FMNL1: variants seen among roughly 807,000 people sequenced by gnomAD.
FMNL1 encodes the protein formin like 1, also known as formin-like protein 1.
Under a neutral mutation model 121.3 loss-of-function variants are expected in FMNL1, and 43 were observed. The observed-to-expected ratio is 0.35, with a 90% CI of 0.28 to 0.46. The LOEUF (loss-of-function observed/expected upper bound fraction) is 0.46, where lower values mean the gene tolerates loss of function less well. Ranked by LOEUF, FMNL1 falls within the 20% of genes least tolerant of loss-of-function variation. FMNL1 has a pLI of 1.00. For synonymous variants in FMNL1, 613 were observed against 613.5 expected (o/e 1.00, Z 0.01); for missense variants, 1,191 against 1,482.4 (o/e 0.80, Z 3.23).
At chr17:45,230,819 T>G in intron 2 of FMNL1, 132 bp downstream of exon 2, 1 of 894,224 alleles carries the variant, frequency 1.1e-6, no homozygotes, top group Non-Finnish European at 1.7e-6. Flanking sequence ...GTGGCCAATG[T>G]AGCACCTGGG....
chr17:45,224,709 T>C (rs2043298259), intron 1 of FMNL1, among the ~76,000 whole-genome samples: 1 of 152,100 alleles, frequency 6.6e-6, no homozygotes, highest in Non-Finnish European at 1.5e-5. Flanking sequence ...GGGTGGGTGG[T>C]GGGGGGCTAC....
In FMNL1 at chr17:45,245,737, T is replaced by C. The variant is rs766518534; in HGVS notation, c.2994+4T>C. ...CCGCTTCATTAAGGCCTACAAGGTA[T>C]TCGGGTCTGGGGCAGGCTGGGAGCC... is the stretch of plus-strand genomic sequence containing the variant. On this transcript the variant is annotated splice_donor_region_variant and intron_variant, in intron 23 of 26. Coordinates refer to ENST00000331495, the MANE Select transcript of FMNL1 (RefSeq NM_005892.4). 22 of 1,614,046 alleles carry C rather than the reference T, an allele frequency of 1.4e-5. No individual in the cohort carries two copies. The highest frequency in any genetic ancestry group is 1.9e-5 in the Non-Finnish European group (22 of 1,179,948).
chr17:45,243,895 G>C lies in FMNL1; in HGVS notation c.2318G>C (p.Arg773Pro). The change falls in exon 18 of 27, where the codon CGG (arginine) becomes CCG (proline). Residue 773 changes from arginine (R) to proline (P), a missense_variant. Around this residue, in one of 4 missense-constraint regions of FMNL1, gnomAD observed 367 missense variants for 528.6 expected, o/e 0.69. Transcript: ENST00000331495. ...SLITRFEREQ[R>P]PMEELSEEDR... ...ATCACCCGCTTTGAGCGGGAGCAGC[G>C]GCCAATGGAGGAGCTGTCAGAGGAG... is the stretch of plus-strand genomic sequence containing the variant. The C allele has an allele frequency of 6.2e-7, 1 of 1,613,902 alleles. No homozygotes were observed. Among genetic ancestry groups the C allele is most frequent in the Non-Finnish European group, 8.5e-7 (1 of 1,180,044 alleles).
At chr17:45,235,883 A>G (rs561707434) in intron 6 of FMNL1, among the ~76,000 whole-genome samples, 2 of 152,250 alleles carry the variant, frequency 1.3e-5, no homozygotes, top group South Asian at 4.1e-4. Flanking sequence ...TCTTCCTTCT[A>G]TAGACCCTCA....
chr17:45,232,575 G>T, intron 3 of FMNL1, 95 bp downstream of exon 3: 1 of 1,082,708 alleles, frequency 9.2e-7, no homozygotes, highest in Non-Finnish European at 1.4e-6. Context: ...TTCTATGTGC[G>T]TGTGTGGGTG....
Position 45,246,941 on chromosome 17 carries a change from C to G in FMNL1, c.*83C>G, listed in dbSNP as rs770145418. ...CCGTCGGCGTCCCCCGGGCCCCCCA[C>G]TGCAGGTCACCTCCGACCTCTCGCT... On this transcript the variant is annotated 3_prime_UTR_variant, in exon 27 of 27. Transcript: ENST00000331495. The G allele has an allele frequency of 1.3e-6, 1 of 756,806 alleles. No individual in the cohort carries two copies. The highest frequency in any genetic ancestry group is 2.4e-6 in the Non-Finnish European group (1 of 414,696). 46.9% of individuals were successfully genotyped at this position (756,806 alleles called of 1,614,324 possible). A position where few individuals can be genotyped will look rare whatever the true frequency, so the allele number is the denominator to read the frequency against.
intron 22 of FMNL1, 30 bp from the exon 23 acceptor site, chr17:45,245,602 A>G (rs1224089707): frequency 1.1e-5 from 18 of 1,612,862 alleles, no homozygotes; most frequent in Non-Finnish European, 1.4e-5. Flanking sequence ...GAGAGGTCTA[A>G]GCTGGGGGGC....
intron 12 of FMNL1, 159 bp from the exon 13 acceptor site, chr17:45,240,970 T>G: frequency 2.3e-6 from 2 of 852,424 alleles, no homozygotes; most frequent in Non-Finnish European, 3.7e-6. Context: ...CTTATTTGCT[T>G]GGGTTCGAGT....
chr17:45,232,907 G>A (rs554135206), intron 3 of FMNL1: 1 of 556,668 alleles, frequency 1.8e-6, no homozygotes, highest in Admixed American at 2.2e-5. Flanking sequence ...TAGAGTGCAG[G>A]TATATGGATG....
In FMNL1 at chr17:45,233,950, A is replaced by G. The variant is rs1047660006; in HGVS notation, c.486-122A>G. 37 of 1,437,918 alleles carry G rather than the reference A, an allele frequency of 2.6e-5. No individual in the cohort carries two copies. The highest frequency in any genetic ancestry group is 3.5e-5 in the Non-Finnish European group (37 of 1,072,184). 89.1% of individuals were successfully genotyped at this position (1,437,918 alleles called of 1,614,324 possible). On this transcript the variant is annotated intron_variant, in intron 5 of 26. Transcript: ENST00000331495. The surrounding 1 kb of genome is among the most constrained non-coding windows in gnomAD (Gnocchi z 4.1). ...CTATGTTCAGCACAGTGCCAAGAAC[A>G]CAGCCTCCTCCTCCTGCTCCTTAGT... is the stretch of plus-strand genomic sequence containing the variant.
intron 9 of FMNL1, chr17:45,238,307 G>A (rs2043596405): frequency 2.3e-6 from 1 of 426,294 alleles, no homozygotes; most frequent in Non-Finnish European, 4.3e-6. Flanking sequence ...GTGTGGGAGT[G>A]AGGGCACTCC....
At chr17:45,229,824 C>T (rs1368748201) in intron 1 of FMNL1, among the ~76,000 whole-genome samples, 2 of 152,098 alleles carry the variant, frequency 1.3e-5, no homozygotes, top group Non-Finnish European at 2.9e-5. Flanking sequence ...TTTCTCAGCT[C>T]CTGGGGGAGT....
chr17:45,230,751 C>G, intron 2 of FMNL1, 64 bp downstream of exon 2: 3 of 1,536,406 alleles, frequency 2.0e-6, no homozygotes, highest in East Asian at 2.3e-5. Flanking sequence ...CCTGACCAGG[C>G]TGGGGCTATG....
chr17:45,246,096 G>C (rs1247227273), intron 24 of FMNL1, 114 bp from the exon 25 acceptor site: 1 of 1,529,794 alleles, frequency 6.5e-7, no homozygotes, highest in Admixed American at 2.1e-5. Flanking sequence ...CCTGGGATGG[G>C]AAAGGGTTCT....
Position 45,233,916 on chromosome 17 carries a change from C to G in FMNL1, c.486-156C>G. 4 of 1,328,854 alleles carry G rather than the reference C, an allele frequency of 3.0e-6. No homozygotes were observed. The highest frequency in any genetic ancestry group is 2.5e-5 in the East Asian group (1 of 39,688). 82.3% of individuals were successfully genotyped at this position (1,328,854 alleles called of 1,614,324 possible). On this transcript the variant is annotated intron_variant, in intron 5 of 26. Coordinates refer to ENST00000331495, the MANE Select transcript of FMNL1 (RefSeq NM_005892.4). This position sits in a 1 kb window ranked among gnomAD's most constrained non-coding sequence, Gnocchi z 4.1. ...CCCCCGACAGGGAGGGGTGGCCTCT[C>G]TTCCACCACTATGTTCAGCACAGTG... is the stretch of plus-strand genomic sequence containing the variant.
At chr17:45,234,048 AG>A in intron 5 of FMNL1, 23 bp from the exon 6 acceptor site, 1 of 1,612,410 alleles carries the variant, frequency 6.2e-7, no homozygotes, top group African/African-American at 1.3e-5. Flanking sequence ...GTTGGCCTCC[AG>A]CCCCATTGCA....
In FMNL1 at chr17:45,237,247, T is replaced by C; in HGVS notation, c.724-34T>C. 6.2e-7 allele frequency: 1 copy of C among 1,610,954 alleles called. No individual in the cohort carries two copies. The highest frequency in any genetic ancestry group is 8.5e-7 in the Non-Finnish European group (1 of 1,177,130). On this transcript the variant is annotated intron_variant, in intron 7 of 26. Transcript: ENST00000331495. The surrounding 1 kb of genome is among the most constrained non-coding windows in gnomAD (Gnocchi z 4.4). ...GGGTGCCTGAAGTCCTGGGGGGCCC[T>C]TCCTGGAGACACTGACCTCTCCTCT... is the stretch of plus-strand genomic sequence containing the variant.
Position 45,246,933 on chromosome 17 carries a change from GC to G in FMNL1, c.*81del. 5.3e-6 allele frequency: 4 copies of G among 757,660 alleles called. No individual in the cohort carries two copies. The highest frequency in any genetic ancestry group is 1.4e-5 in the South Asian group (1 of 72,976). 46.9% of individuals were successfully genotyped at this position (757,660 alleles called of 1,614,324 possible). ...CGCAGTGCCCGTCGGCGTCCCCCGGGCCCCCCACTGCAGGTCACCTCCGACC... is the reference window on the plus strand; with the variant it reads ...CGCAGTGCCCGTCGGCGTCCCCCGGGCCCCCACTGCAGGTCACCTCCGACC... On this transcript the variant is annotated 3_prime_UTR_variant, in exon 27 of 27. Transcript: ENST00000331495.
chr17:45,242,188 A>G (rs893429643), intron 15 of FMNL1, 42 bp downstream of exon 15: 1 of 1,528,090 alleles, frequency 6.5e-7, no homozygotes, highest in African/African-American at 1.4e-5. Flanking sequence ...CTGGGGGGAG[A>G]TGGAGGGAGG....
Sources: gnomAD v4.1 joint callset for allele counts (sites outside exome capture counted in the v4.1 genomes callset) on GRCh38, gnomAD v4.1.1 for gene constraint, gnomAD v4.1.1 regional missense constraint, Gnocchi (gnomAD v3.1) non-coding constraint, MANE v1.5 for transcripts, NCBI Gene and HGNC (gene_info 2026-07-23, HGNC 2026-07-21) for gene names.